Variants in ENTPD5 observed in about 807,000 individuals in gnomAD.
The protein encoded by ENTPD5 is ectonucleoside triphosphate diphosphohydrolase 5 (inactive), also known as nucleoside diphosphate phosphatase ENTPD5.
Under a neutral mutation model 60.2 loss-of-function variants are expected in ENTPD5, and 49 were observed. That is an observed-to-expected ratio of 0.81 (90% CI 0.65 to 1.03). The LOEUF (loss-of-function observed/expected upper bound fraction) is 1.03, where lower values mean the gene tolerates loss of function less well. ENTPD5 is among the 50% of genes least tolerant of loss of function. The pLI is 0.00. For missense variants in ENTPD5, 480 were observed against 507.6 expected (o/e 0.95, Z 0.52); for synonymous variants, 187 against 185.4 (o/e 1.01, Z -0.07).
At chr14:73,956,244 C>T (rs190139964), downstream of ENTPD5, 24 of 340,118 alleles carry the variant, frequency 7.1e-5, 1 homozygote, top group African/African-American at 2.8e-4. Flanking sequence ...AGGAGAATGG[C>T]GTGAACCCAG....
downstream of ENTPD5, chr14:73,956,326 T>TAA: frequency 4.9e-5 from 5 of 101,982 alleles, no homozygotes; most frequent in Admixed American, 1.1e-4. Context: ...AGACTCCGTC[T>TAA]CAAAAAAAAA....
downstream of ENTPD5, chr14:73,959,930 T>G: frequency 8.6e-7 from 1 of 1,161,216 alleles, no homozygotes; most frequent in South Asian, 2.0e-5. Context: ...TTCTACTTTG[T>G]AACTATAATG....
intron 13 of ENTPD5, 114 bp downstream of exon 13, chr14:73,972,770 A>G (rs2057280066): frequency 8.0e-7 from 1 of 1,253,342 alleles, no homozygotes; most frequent in South Asian, 1.5e-5. Flanking sequence ...GAGTGACTAG[A>G]AAAGAGGTGG....
chr14:74,003,801 AG>A lies in ENTPD5; in HGVS notation c.-71+7289del, dbSNP rs575990363. Among the ~76,000 whole-genome samples the A allele has an allele frequency of 1.3e-3, 205 of 152,276 alleles. 1 individual carries two copies. Among genetic ancestry groups the A allele is most frequent in the African/African-American group, 4.7e-3 (196 of 41,556 alleles). On this transcript the variant is annotated intron_variant, in intron 3 of 15. Coordinates refer to ENST00000334696, the MANE Select transcript of ENTPD5 (RefSeq NM_001249.5). Reference sequence around the variant, plus strand: ...ATCAAAAAAAAAGAAAAAGAAAAAAAGAAAAAAAAAATTGGCTGGGCATGGT... The same window carrying A: ...ATCAAAAAAAAAGAAAAAGAAAAAAAAAAAAAAAAATTGGCTGGGCATGGT...
At chr14:74,001,198 A>G (rs1454743469) in intron 3 of ENTPD5, among the ~76,000 whole-genome samples, 1 of 152,032 alleles carries the variant, frequency 6.6e-6, no homozygotes, top group East Asian at 1.9e-4. Context: ...TCTCTACAAA[A>G]TATTAAAAAA....
intron 2 of ENTPD5, among the ~76,000 whole-genome samples, chr14:74,014,387 C>CA (rs200082228): frequency 0.015 from 2,243 of 149,026 alleles, 54 homozygotes; most frequent in African/African-American, 0.053. Context: ...TACTCCCCCC[C>CA]CCCACAAAAA....
intron 3 of ENTPD5, among the ~76,000 whole-genome samples, chr14:73,993,301 C>G (rs1224628199): frequency 2.0e-5 from 3 of 152,140 alleles, no homozygotes; most frequent in African/African-American, 7.2e-5. Context: ...TGCACTACTG[C>G]ACTTCAGCCT....
At position 74,011,119 on chromosome 14, in the gene ENTPD5, C is replaced by A. The variant is rs903376103; in HGVS notation, c.-99G>T. On this transcript the variant is annotated 5_prime_UTR_variant, in exon 3 of 16. Transcript: ENST00000334696. ...TTTTTTCTTTCCTTCTGAATTTTCT[C>A]CTTGGTTCCTTTATTATATCACTTT... The A allele has an allele frequency of 1.9e-5, 17 of 874,976 alleles. No homozygotes were observed. The African/African-American group carries it at 2.9e-4, about 15-fold the overall frequency. The allele number at this position is 874,976 out of a possible 1,614,324, so 54.2% of individuals were successfully genotyped here. A position where few individuals can be genotyped will look rare whatever the true frequency, so the allele number is the denominator to read the frequency against.
At chr14:74,007,850 A>C (rs532902106) in intron 3 of ENTPD5, 1 of 136,198 alleles carries the variant, frequency 7.3e-6, no homozygotes, top group African/African-American at 2.8e-5. Context: ...TTTTTTTTTG[A>C]GATGGAGTCT....
chr14:73,989,110 C>T (rs1228412602), intron 3 of ENTPD5, among the ~76,000 whole-genome samples: 1 of 151,990 alleles, frequency 6.6e-6, no homozygotes, highest in Admixed American at 6.6e-5. Flanking sequence ...GCATAAGCCA[C>T]CACGCCCAGC....
chr14:73,987,946 A>G lies in ENTPD5; in HGVS notation c.157T>C (p.Phe53Leu). 1 of 1,614,188 alleles carries G rather than the reference A, an allele frequency of 6.2e-7. No homozygotes were observed. Among genetic ancestry groups the G allele is most frequent in the South Asian group, 1.1e-5 (1 of 91,080 alleles). ...CGAGTTCCAGTGCTCCCTGCATCAA[A>G]CATAATTCCATACAAGGTGCTGGCG... is the stretch of plus-strand genomic sequence containing the variant. Reference protein sequence around the residue: ...VSASTLYGIMFDAGSTGTRIH... With the variant: ...VSASTLYGIMLDAGSTGTRIH... Residue 53 changes from phenylalanine (F) to leucine (L), a missense_variant, in exon 4 of 16, where the codon TTT becomes CTT. Transcript: ENST00000334696.
intron 5 of ENTPD5, 78 bp from the exon 6 acceptor site, chr14:73,983,239 T>A (rs1044076475): frequency 1.4e-6 from 2 of 1,438,132 alleles, no homozygotes; most frequent in African/African-American, 2.8e-5. Context: ...CAACATACTT[T>A]GTGGGAGCAA....
intron 1 of ENTPD5, 138 bp from the exon 2 acceptor site, chr14:74,016,068 C>T (rs976632875): frequency 6.6e-6 from 1 of 152,168 alleles, no homozygotes. Flanking sequence ...ATAGTAAAGG[C>T]ACCTACCAGT....
At chr14:73,996,107 C>A in intron 3 of ENTPD5, 1 of 984,286 alleles carries the variant, frequency 1.0e-6, no homozygotes, top group Non-Finnish European at 1.2e-6. Flanking sequence ...CATGTGCTCA[C>A]CTGCTTGTGT....
At position 73,963,478 on chromosome 14, in the gene ENTPD5, C is replaced by T. The variant is rs1382227965; in HGVS notation, c.*3450G>A. 1 of 184,058 alleles carries T rather than the reference C, an allele frequency of 5.4e-6. No homozygotes were observed. The highest frequency in any genetic ancestry group is 2.4e-5 in the African/African-American group (1 of 41,850). 11.4% of individuals were successfully genotyped at this position (184,058 alleles called of 1,614,324 possible). The stretch of plus-strand genomic sequence containing the variant: ...TGCTTTAACCTTTGTTACAGGTATA[C>T]TGGACTTTCTGAAAGGAAAACCAGG... On this transcript the variant is annotated 3_prime_UTR_variant, in exon 16 of 16. Transcript: ENST00000334696.
At chr14:73,959,589 T>C, downstream of ENTPD5, 1 of 1,612,630 alleles carries the variant, frequency 6.2e-7, no homozygotes, top group Non-Finnish European at 8.5e-7. Flanking sequence ...TTGTTTTTTT[T>C]TTTTTGAAAC....
downstream of ENTPD5, chr14:73,960,915 AG>A (rs1025424037): frequency 1.2e-5 from 7 of 570,544 alleles, no homozygotes; most frequent in Non-Finnish European, 2.2e-5. Context: ...GTGGTTATTG[AG>A]GGTGGGGACT....
At chr14:73,961,450 C>A, downstream of ENTPD5, 1 of 1,614,204 alleles carries the variant, frequency 6.2e-7, no homozygotes, top group Non-Finnish European at 8.5e-7. Context: ...CTGCTTTATT[C>A]TTAGGGATGC....
At chr14:73,958,535 G>A, downstream of ENTPD5, 3 of 1,325,456 alleles carry the variant, frequency 2.3e-6, no homozygotes, top group Non-Finnish European at 2.9e-6. Context: ...AGAGTGTTGG[G>A]AATGGAGGCT....
Sources: gnomAD v4.1 joint callset for allele counts (sites outside exome capture counted in the v4.1 genomes callset) on GRCh38, gnomAD v4.1.1 for gene constraint, MANE v1.5 for transcripts, NCBI Gene and HGNC (gene_info 2026-07-23, HGNC 2026-07-21) for gene names.